Variants in COPS4 observed in about 807,000 individuals in gnomAD.
The protein encoded by COPS4 is COP9 signalosome complex subunit 4.
In COPS4, 8 loss-of-function variants were observed where a neutral mutation model predicts 55.1. The observed-to-expected ratio is 0.15, with a 90% confidence interval of 0.09 to 0.26. COPS4 has a LOEUF of 0.26. Ranked by LOEUF, COPS4 falls within the 10% of genes least tolerant of loss-of-function variation. The pLI, the probability that COPS4 is intolerant of heterozygous loss-of-function variation, is 1.00. For synonymous variants in COPS4, 185 were observed against 165.7 expected (o/e 1.12, Z -0.90); for missense variants, 248 against 484.0 (o/e 0.51, Z 4.58).
At chr4:83,064,221 T>C (rs1466221555) in intron 7 of COPS4, among the ~76,000 whole-genome samples, 1 of 152,052 alleles carries the variant, frequency 6.6e-6, no homozygotes. Context: ...CCTGTGGTTC[T>C]AGCTACTCGG....
chr4:83,053,566 C>T (rs561342244), intron 4 of COPS4, among the ~76,000 whole-genome samples: 2 of 152,170 alleles, frequency 1.3e-5, no homozygotes, highest in African/African-American at 4.8e-5. Flanking sequence ...GATGGCAGGG[C>T]GTGGTAGCTC....
intron 7 of COPS4, among the ~76,000 whole-genome samples, chr4:83,064,386 T>A (rs1235687243): frequency 2.6e-5 from 4 of 152,140 alleles, no homozygotes; most frequent in African/African-American, 9.7e-5. Context: ...ATTTTAACCA[T>A]TTTTGGGTGT....
intron 4 of COPS4, among the ~76,000 whole-genome samples, chr4:83,050,477 A>C (rs1461508396): frequency 6.6e-6 from 1 of 151,984 alleles, no homozygotes; most frequent in African/African-American, 2.4e-5. Flanking sequence ...TTGTATTTTT[A>C]CTAGATTTTC....
At chr4:83,048,664 C>CA (rs958001188) in intron 2 of COPS4, among the ~76,000 whole-genome samples, 1 of 151,968 alleles carries the variant, frequency 6.6e-6, no homozygotes, top group African/African-American at 2.4e-5. Flanking sequence ...AATTTTGAGA[C>CA]AGAGTCTAGC....
At chr4:83,063,698 C>T (rs570398246) in intron 7 of COPS4, among the ~76,000 whole-genome samples, 6 of 151,228 alleles carry the variant, frequency 4.0e-5, no homozygotes, top group Non-Finnish European at 7.4e-5. Flanking sequence ...TGAGCCACCA[C>T]ACCTGGCCTA....
intron 9 of COPS4, among the ~76,000 whole-genome samples, chr4:83,070,074 CT>C (rs1226059209): frequency 6.6e-6 from 1 of 152,118 alleles, no homozygotes; most frequent in Non-Finnish European, 1.5e-5. Flanking sequence ...TCTCTCACTA[CT>C]TTTTGAACCT....
chr4:83,069,539 A>G (rs1731368776), intron 9 of COPS4, among the ~76,000 whole-genome samples: 1 of 152,160 alleles, frequency 6.6e-6, no homozygotes, highest in East Asian at 1.9e-4. Flanking sequence ...ACATTTCTGT[A>G]GTCCACTCTT....
chr4:83,068,201 T>C (rs1378085877), intron 8 of COPS4, among the ~76,000 whole-genome samples: 1 of 152,202 alleles, frequency 6.6e-6, no homozygotes, highest in Non-Finnish European at 1.5e-5. Flanking sequence ...ATGATAGTTA[T>C]ATTCTTGTCC....
In COPS4 at chr4:83,054,071, G is replaced by A. The variant is rs1049754509; in HGVS notation, c.411-2855G>A. On this transcript the variant is annotated intron_variant, in intron 4 of 9. Transcript: ENST00000264389. ...CTTAAAAATATCTTTGGCCAGGCGC[G>A]GTGGCTCACACCTGTAATCCCAGCA... is the stretch of plus-strand genomic sequence containing the variant. 4.6e-5 allele frequency among the ~76,000 whole-genome samples: 7 copies of A among 152,178 alleles called. No individual in the cohort carries two copies. In the East Asian group the frequency reaches 5.8e-4, roughly 13 times the overall value.
chr4:83,063,279 C>A, intron 7 of COPS4, 33 bp downstream of exon 7: 2 of 1,531,040 alleles, frequency 1.3e-6, no homozygotes, highest in South Asian at 2.5e-5. Flanking sequence ...ATATGGTAGT[C>A]AATGTTTAGG....
At chr4:83,058,363 G>T (rs1731069103) in intron 6 of COPS4, among the ~76,000 whole-genome samples, 1 of 152,066 alleles carries the variant, frequency 6.6e-6, no homozygotes, top group Non-Finnish European at 1.5e-5. Flanking sequence ...GACTACAGGT[G>T]CACACCACCA....
chr4:83,046,689 G>C (rs150050892), intron 2 of COPS4, among the ~76,000 whole-genome samples: 7 of 152,148 alleles, frequency 4.6e-5, no homozygotes, highest in Admixed American at 4.6e-4. Flanking sequence ...GAGTTCACAT[G>C]GAATTTTATA....
chr4:83,063,279 C>T (rs1560442238), intron 7 of COPS4, 33 bp downstream of exon 7: 3 of 1,531,044 alleles, frequency 2.0e-6, no homozygotes, highest in Non-Finnish European at 2.6e-6. Flanking sequence ...ATATGGTAGT[C>T]AATGTTTAGG....
At chr4:83,061,045 T>A (rs4693554) in intron 6 of COPS4, among the ~76,000 whole-genome samples, 140,635 of 145,126 alleles carry the variant, frequency 0.97, 68,156 homozygotes, top group East Asian at 0.99. Context: ...AAAAAAAAAA[T>A]AATAATAATA....
chr4:83,064,752 G>A (rs1731252304), intron 7 of COPS4, among the ~76,000 whole-genome samples: 1 of 151,496 alleles, frequency 6.6e-6, no homozygotes, highest in South Asian at 2.1e-4. Context: ...TAGAGTTGGG[G>A]TCTCACTGTG....
intron 8 of COPS4, among the ~76,000 whole-genome samples, chr4:83,067,068 TA>T (rs1195025505): frequency 2.2e-4 from 33 of 152,138 alleles, no homozygotes; most frequent in Non-Finnish European, 2.5e-4. Context: ...TTATTTATTT[TA>T]TTTTTTTTTG....
At chr4:83,060,228 G>T (rs1467352174) in intron 6 of COPS4, among the ~76,000 whole-genome samples, 1 of 147,664 alleles carries the variant, frequency 6.8e-6, no homozygotes, top group African/African-American at 2.5e-5. Flanking sequence ...CTTTCGCCCA[G>T]GCTGGAGTGC....
chr4:83,044,778 AAACAAC>A lies in COPS4; in HGVS notation c.75-830_75-825del, dbSNP rs772070874. ...TGACAGAGCGAGACTCCGTCTTCAA[AAACAAC>A]AACAACAACAACAACAAAAGAATAG... On this transcript the variant is annotated intron_variant, in intron 1 of 9. Transcript: ENST00000264389. 1.6e-3 allele frequency among the ~76,000 whole-genome samples: 240 copies of A among 152,238 alleles called. 1 individual carries two copies. The highest frequency in any genetic ancestry group is 2.9e-3 in the Admixed American group (44 of 15,284).
rs1389540889 is a variant in COPS4, at chr4:83,047,066, AACTGCCTTAAAAAAAT to A, written c.154+1375_154+1390del. Among the ~76,000 whole-genome samples, 35 of 152,344 alleles carry A rather than the reference AACTGCCTTAAAAAAAT, an allele frequency of 2.3e-4. 1 individual carries two copies. The East Asian group carries it at 5.8e-3, about 25-fold the overall frequency. On this transcript the variant is annotated intron_variant, in intron 2 of 9. Coordinates refer to ENST00000264389, the MANE Select transcript of COPS4 (RefSeq NM_016129.3). ...AATTAATATGTGATTAATTAATTACAACTGCCTTAAAAAAATACTGCCTTAAAAAGTTACTGCCTTA... is the reference window on the plus strand; with the variant it reads ...AATTAATATGTGATTAATTAATTACAACTGCCTTAAAAAGTTACTGCCTTA...
Sources: gnomAD v4.1 joint callset for allele counts (sites outside exome capture counted in the v4.1 genomes callset) on GRCh38, gnomAD v4.1.1 for gene constraint, MANE v1.5 for transcripts, NCBI Gene and HGNC (gene_info 2026-07-23, HGNC 2026-07-21) for gene names.